LRBA: variants seen among roughly 807,000 people sequenced by gnomAD.
LRBA encodes lipopolysaccharide-responsive and beige-like anchor protein.
In LRBA, 176 loss-of-function variants were observed where a neutral mutation model predicts 330.0. That is an observed-to-expected ratio of 0.53 (90% CI 0.47 to 0.60). The LOEUF (loss-of-function observed/expected upper bound fraction) is 0.60, where lower values mean the gene tolerates loss of function less well. Ranked by LOEUF, LRBA falls within the 20% of genes least tolerant of loss-of-function variation. LRBA has a pLI of 0.00. For missense variants in LRBA, 3,259 were observed against 3,444.8 expected, an observed-to-expected ratio of 0.95 and a Z score of 1.35; for synonymous variants, 1,230 against 1,193.0, an observed-to-expected ratio of 1.03 and a Z score of -0.64.
At chr4:150,501,828 G>T (rs1356895992) in intron 40 of LRBA, among the ~76,000 whole-genome samples, 3 of 151,808 alleles carry the variant, frequency 2.0e-5, no homozygotes, top group African/African-American at 7.3e-5. Context: ...ATACTGAAAA[G>T]TTGTTTTCAA....
intron 22 of LRBA, among the ~76,000 whole-genome samples, chr4:150,861,170 T>C (rs1751873523): frequency 6.6e-6 from 1 of 152,118 alleles, no homozygotes; most frequent in Non-Finnish European, 1.5e-5. Context: ...CAATCATAGT[T>C]CACTGTTACG....
At chr4:150,966,573 G>A (rs939934841) in intron 2 of LRBA, among the ~76,000 whole-genome samples, 12 of 147,068 alleles carry the variant, frequency 8.2e-5, no homozygotes, top group East Asian at 4.0e-4. Context: ...TGATCCGCCC[G>A]CTTCGGCCTC....
At chr4:150,441,030 T>C (rs1458738881) in intron 44 of LRBA, among the ~76,000 whole-genome samples, 1 of 152,150 alleles carries the variant, frequency 6.6e-6, no homozygotes, top group Non-Finnish European at 1.5e-5. Flanking sequence ...AAACATTTTT[T>C]GTTACGTTCT....
At chr4:150,687,569 C>G (rs1007197533) in intron 36 of LRBA, among the ~76,000 whole-genome samples, 1 of 152,052 alleles carries the variant, frequency 6.6e-6, no homozygotes. Context: ...GGGAACAATT[C>G]TATTTTATGT....
intron 41 of LRBA, among the ~76,000 whole-genome samples, chr4:150,490,528 C>T (rs1325942253): frequency 6.6e-6 from 1 of 151,812 alleles, no homozygotes; most frequent in East Asian, 1.9e-4. Flanking sequence ...ACATATATCA[C>T]ACAAAAGATT....
chr4:150,578,611 C>T (rs1333638342), intron 40 of LRBA, among the ~76,000 whole-genome samples: 4 of 152,126 alleles, frequency 2.6e-5, no homozygotes, highest in Non-Finnish European at 5.9e-5. Context: ...GTAATTACTA[C>T]AACCTGACTC....
At chr4:150,680,040 G>C (rs1027681590) in intron 37 of LRBA, among the ~76,000 whole-genome samples, 3 of 152,140 alleles carry the variant, frequency 2.0e-5, no homozygotes, top group African/African-American at 7.2e-5. Context: ...CATGAAAGAT[G>C]ATTTGTCTCC....
chr4:150,965,896 GA>G (rs1413695317), intron 2 of LRBA, among the ~76,000 whole-genome samples: 1 of 152,008 alleles, frequency 6.6e-6, no homozygotes, highest in Admixed American at 6.6e-5. Context: ...ATGAGCAAGG[GA>G]TAATGTATGC....
At chr4:150,589,035 G>A (rs1002003368) in intron 39 of LRBA, among the ~76,000 whole-genome samples, 66 of 132,718 alleles carry the variant, frequency 5.0e-4, no homozygotes, top group Non-Finnish European at 8.1e-4. Context: ...ATGTCTGTGT[G>A]TGTATACACA....
chr4:150,277,082 T>C (rs1206274469), intron 56 of LRBA, among the ~76,000 whole-genome samples: 3 of 152,314 alleles, frequency 2.0e-5, no homozygotes, highest in African/African-American at 7.2e-5. Flanking sequence ...CGCCATGGAA[T>C]ACTATGCAGC....
intron 40 of LRBA, among the ~76,000 whole-genome samples, chr4:150,516,637 T>G (rs1183737184): frequency 6.6e-6 from 1 of 151,982 alleles, no homozygotes; most frequent in Non-Finnish European, 1.5e-5. Flanking sequence ...TGTCCAGCAT[T>G]TTAAAAATGC....
At chr4:150,341,184 CAG>C (rs367855595) in intron 48 of LRBA, among the ~76,000 whole-genome samples, 48 of 152,196 alleles carry the variant, frequency 3.2e-4, no homozygotes, top group African/African-American at 1.1e-3. Flanking sequence ...TCTTTTGAGA[CAG>C]AGTCTTGCTT....
At chr4:151,002,764 C>T (rs949978387) in intron 2 of LRBA, among the ~76,000 whole-genome samples, 3 of 151,732 alleles carry the variant, frequency 2.0e-5, no homozygotes, top group African/African-American at 7.3e-5. Context: ...ATAATCCCAG[C>T]ACTTTGGGAG....
At chr4:150,324,198 G>C (rs566258517) in intron 49 of LRBA, among the ~76,000 whole-genome samples, 21 of 152,192 alleles carry the variant, frequency 1.4e-4, no homozygotes, top group Non-Finnish European at 2.5e-4. Flanking sequence ...AGGCTGGGCA[G>C]TGACCCCAGC....
At chr4:150,346,106 C>T (rs1350331759) in intron 48 of LRBA, among the ~76,000 whole-genome samples, 1 of 152,030 alleles carries the variant, frequency 6.6e-6, no homozygotes, top group Non-Finnish European at 1.5e-5. Flanking sequence ...CTGCGCCTGG[C>T]CCCATTTATT....
chr4:150,421,556 T>TC (rs1462219476), intron 46 of LRBA, among the ~76,000 whole-genome samples: 1 of 152,088 alleles, frequency 6.6e-6, no homozygotes, highest in Non-Finnish European at 1.5e-5. Context: ...TAGTTCTTAT[T>TC]CTTTTTTTGT....
chr4:150,328,536 A>G (rs1733590280), intron 48 of LRBA, among the ~76,000 whole-genome samples: 1 of 152,162 alleles, frequency 6.6e-6, no homozygotes, highest in Admixed American at 6.6e-5. Context: ...GGGTGAAACC[A>G]TCCCTAACAA....
At chr4:150,670,999 G>GGTGTGTGTGTGT (rs1561497148) in intron 37 of LRBA, among the ~76,000 whole-genome samples, 1 of 67,718 alleles carries the variant, frequency 1.5e-5, no homozygotes, top group African/African-American at 6.4e-5. Flanking sequence ...CAACATAGCT[G>GGTGTGTGTGTGT]ATGTGTGTGT....
chr4:150,788,398 C>T (rs1399771050), intron 34 of LRBA, among the ~76,000 whole-genome samples: 1 of 151,768 alleles, frequency 6.6e-6, no homozygotes, highest in East Asian at 1.9e-4. Context: ...ATGCCTGGCG[C>T]TAATAAGATC....
Sources: allele counts gnomAD v4.1 joint callset (sites outside exome capture counted in the v4.1 genomes callset), GRCh38; gene constraint gnomAD v4.1.1; transcripts MANE v1.5; gene names NCBI Gene and HGNC (gene_info 2026-07-23, HGNC 2026-07-21).